MEF2A: variants seen among roughly 807,000 people sequenced by gnomAD.
The protein encoded by MEF2A is myocyte enhancer factor 2A, also known as myocyte-specific enhancer factor 2A.
MEF2A carries 28 observed loss-of-function variants against 55.8 expected under a neutral mutation model. The observed-to-expected ratio is 0.50, with a 90% confidence interval of 0.37 to 0.69. MEF2A has a LOEUF of 0.69. Among genes scored for constraint, MEF2A ranks in the 30% least tolerant of loss-of-function variants. The pLI is 0.00. For synonymous variants in MEF2A, 239 were observed against 227.1 expected (o/e 1.05, Z -0.47); for missense variants, 528 against 626.2 (o/e 0.84, Z 1.67).
At chr15:99,601,510 G>GTTTTTTTT (rs34835966) in intron 2 of MEF2A, among the ~76,000 whole-genome samples, 7 of 113,906 alleles carry the variant, frequency 6.1e-5, no homozygotes, top group Non-Finnish European at 9.0e-5. Flanking sequence ...CTTGGTCAGA[G>GTTTTTTTT]TTTTTTTTTT....
intron 6 of MEF2A, among the ~76,000 whole-genome samples, chr15:99,675,159 A>G (rs1455683814): frequency 6.6e-6 from 1 of 152,160 alleles, no homozygotes; most frequent in Non-Finnish European, 1.5e-5. Flanking sequence ...GTATTGATGC[A>G]ATACCACTAT....
Position 99,570,274 on chromosome 15 carries a change from C to G in MEF2A, c.-225+4170C>G, listed in dbSNP as rs565550362. ...AAAAACATATTAATTAATCAAACTT[C>G]TAGTAAATACCAACCCGGGCATGTC... On this transcript the variant is annotated intron_variant, in intron 1 of 11. Transcript: ENST00000557942. Among the ~76,000 whole-genome samples, 6 of 152,162 alleles carry G rather than the reference C, an allele frequency of 3.9e-5. No homozygotes were observed. The East Asian group carries it at 1.2e-3, about 29-fold the overall frequency.
chr15:99,694,406 A>G (rs2056078788), intron 8 of MEF2A, among the ~76,000 whole-genome samples: 1 of 152,214 alleles, frequency 6.6e-6, no homozygotes, highest in African/African-American at 2.4e-5. Context: ...AAGTTTTGGA[A>G]TATTTCCCTT....
At chr15:99,625,195 C>G (rs1827469307) in intron 2 of MEF2A, among the ~76,000 whole-genome samples, 1 of 152,120 alleles carries the variant, frequency 6.6e-6, no homozygotes, top group South Asian at 2.1e-4. Context: ...CAAGTAGCAT[C>G]TGTATTCTCT....
In MEF2A at chr15:99,713,281, G is replaced by C. The variant is rs944046465; in HGVS notation, c.*510G>C. ...CATTTATATTTTCCAACCTGGCATG[G>C]GTGTCTGTTGCAAAGGGGTGCATGG... On this transcript the variant is annotated 3_prime_UTR_variant, in exon 12 of 12. Coordinates refer to ENST00000557942, the MANE Select transcript of MEF2A (RefSeq NM_001319206.4). 1 of 344,528 alleles carries C rather than the reference G, an allele frequency of 2.9e-6. No homozygotes were observed. 21.3% of individuals were successfully genotyped at this position (344,528 alleles called of 1,614,324 possible).
intron 2 of MEF2A, among the ~76,000 whole-genome samples, chr15:99,609,723 T>C (rs911111486): frequency 6.6e-6 from 1 of 152,160 alleles, no homozygotes; most frequent in Non-Finnish European, 1.5e-5. Flanking sequence ...AATTATCTTA[T>C]ATTAAAAGTA....
intron 2 of MEF2A, among the ~76,000 whole-genome samples, chr15:99,612,542 A>G (rs1011637942): frequency 2.0e-5 from 3 of 152,328 alleles, no homozygotes; most frequent in South Asian, 4.1e-4. Flanking sequence ...ACCACCCTGA[A>G]CAACACAGTG....
chr15:99,692,186 C>G (rs1044029384), intron 8 of MEF2A, among the ~76,000 whole-genome samples: 1 of 152,096 alleles, frequency 6.6e-6, no homozygotes, highest in Non-Finnish European at 1.5e-5. Flanking sequence ...TGTATATTGT[C>G]TCATTTAATT....
chr15:99,645,482 A>C, intron 3 of MEF2A, 79 bp from the exon 4 acceptor site: 1 of 1,063,158 alleles, frequency 9.4e-7, no homozygotes, highest in Non-Finnish European at 1.4e-6. Flanking sequence ...CAGTATTAAG[A>C]AGAAGATTCA....
Position 99,716,316 on chromosome 15 carries a change from T to G in MEF2A, c.*3545T>G, listed in dbSNP as rs2059145421. The G allele has an allele frequency of 2.9e-6, 1 of 349,098 alleles. No homozygotes were observed. The highest frequency in any genetic ancestry group is 2.1e-5 in the African/African-American group (1 of 46,700). 21.6% of individuals were successfully genotyped at this position (349,098 alleles called of 1,614,324 possible). ...TTTGTTGCCATCCTTGAGATGAACC[T>G]TTTAAGAAAAATAAGTTAATCTCAA... is the stretch of plus-strand genomic sequence containing the variant. On this transcript the variant is annotated 3_prime_UTR_variant, in exon 12 of 12. Coordinates refer to ENST00000557942, the MANE Select transcript of MEF2A (RefSeq NM_001319206.4).
At chr15:99,689,298 T>C (rs1020621994) in intron 7 of MEF2A, among the ~76,000 whole-genome samples, 2 of 152,164 alleles carry the variant, frequency 1.3e-5, no homozygotes, top group African/African-American at 4.8e-5. Flanking sequence ...GCATTAGAAA[T>C]GAGTGCTGAA....
Position 99,712,887 on chromosome 15 carries a change from C to G in MEF2A, c.*116C>G, listed in dbSNP as rs1597358064. 1 of 1,102,438 alleles carries G rather than the reference C, an allele frequency of 9.1e-7. No individual in the cohort carries two copies. The highest frequency in any genetic ancestry group is 2.6e-5 in the East Asian group (1 of 38,478). 68.3% of individuals were successfully genotyped at this position (1,102,438 alleles called of 1,614,324 possible). The stretch of plus-strand genomic sequence containing the variant: ...TTTATATGTACATACATATATATAT[C>G]CCTTTACATATATATGTATGTGGGT... On this transcript the variant is annotated 3_prime_UTR_variant, in exon 12 of 12. Transcript: ENST00000557942. This position sits in a 1 kb window ranked among gnomAD's most constrained non-coding sequence, Gnocchi z 4.1.
At chr15:99,623,421 G>A (rs563185107) in intron 2 of MEF2A, among the ~76,000 whole-genome samples, 3 of 152,294 alleles carry the variant, frequency 2.0e-5, no homozygotes, top group East Asian at 1.9e-4. Context: ...ATGTCTAAAA[G>A]TGGAATTCTT....
At position 99,675,464 on chromosome 15, in the gene MEF2A, T is replaced by C; in HGVS notation, c.670+6T>C. On this transcript the variant is annotated splice_donor_region_variant and intron_variant, in intron 7 of 11. Coordinates refer to ENST00000557942, the MANE Select transcript of MEF2A (RefSeq NM_001319206.4). ...AGCTGGAAGCAGTCCAGTGGGTGAGTGAATTCCTACTCTTCTGTTTTGTAG... is the reference window on the plus strand; with the variant it reads ...AGCTGGAAGCAGTCCAGTGGGTGAGCGAATTCCTACTCTTCTGTTTTGTAG... 6.2e-7 allele frequency: 1 copy of C among 1,612,332 alleles called. No homozygotes were observed. Among genetic ancestry groups the C allele is most frequent in the South Asian group, 1.1e-5 (1 of 91,042 alleles).
chr15:99,713,343 A>C lies in MEF2A; in HGVS notation c.*572A>C. On this transcript the variant is annotated 3_prime_UTR_variant, in exon 12 of 12. Coordinates refer to ENST00000557942, the MANE Select transcript of MEF2A (RefSeq NM_001319206.4). ...TGATATTAAAAACAAACAAAACAAA[A>C]AAGCCCCACACATAACTGTTTTGCA... The C allele has an allele frequency of 4.1e-6, 1 of 244,432 alleles. No individual in the cohort carries two copies. 15.1% of individuals were successfully genotyped at this position (244,432 alleles called of 1,614,324 possible). A position where few individuals can be genotyped will look rare whatever the true frequency, so the allele number is the denominator to read the frequency against.
chr15:99,592,562 A>T (rs1461529109), intron 1 of MEF2A, among the ~76,000 whole-genome samples: 1 of 152,218 alleles, frequency 6.6e-6, no homozygotes. Context: ...ATTTTGACTC[A>T]TAGTTCTGCA....
intron 10 of MEF2A, among the ~76,000 whole-genome samples, chr15:99,710,026 G>A (rs1350806787): frequency 6.6e-6 from 1 of 152,146 alleles, no homozygotes; most frequent in African/African-American, 2.4e-5. Context: ...CTCTGGTTGA[G>A]GTTGAGTGTT....
intron 3 of MEF2A, among the ~76,000 whole-genome samples, chr15:99,636,265 A>G (rs987822005): frequency 2.6e-5 from 4 of 152,070 alleles, no homozygotes; most frequent in Non-Finnish European, 5.9e-5. Flanking sequence ...TATGCATTCT[A>G]TATAATCAGG....
Position 99,703,400 on chromosome 15 carries a change from C to G in MEF2A, c.882+15C>G. On this transcript the variant is annotated intron_variant, in intron 9 of 11. Transcript: ENST00000557942. ...AATTGGAGTTGGTGAGTGTGGGTTT[C>G]TGCTTGAAGGAAGTTGAAAAAGATG... The G allele has an allele frequency of 6.3e-7, 1 of 1,596,500 alleles. No homozygotes were observed. The highest frequency in any genetic ancestry group is 8.5e-7 in the Non-Finnish European group (1 of 1,173,328).
Sources: gnomAD v4.1 joint callset for allele counts (sites outside exome capture counted in the v4.1 genomes callset) on GRCh38, gnomAD v4.1.1 for gene constraint, Gnocchi (gnomAD v3.1) non-coding constraint, MANE v1.5 for transcripts, NCBI Gene and HGNC (gene_info 2026-07-23, HGNC 2026-07-21) for gene names.